NT5DC1: variants seen among roughly 807,000 people sequenced by gnomAD.
NT5DC1 encodes the protein 5'-nucleotidase domain-containing protein 1.
NT5DC1 carries 42 observed loss-of-function variants against 59.4 expected under a neutral mutation model. The observed-to-expected ratio is 0.71, with a 90% CI of 0.55 to 0.92. NT5DC1 has a LOEUF of 0.92. NT5DC1 is among the 40% of genes least tolerant of loss of function. The probability of loss-of-function intolerance (pLI) is 0.00; values close to 1 mark genes in which losing one functional copy is unlikely to be tolerated. For missense variants in NT5DC1, 501 were observed against 537.1 expected, an observed-to-expected ratio of 0.93 and a Z score of 0.66; for synonymous variants, 172 against 188.1, an observed-to-expected ratio of 0.91 and a Z score of 0.70.
intron 6 of NT5DC1, among the ~76,000 whole-genome samples, chr6:116,219,961 CAAAAAAAAAA>C (rs1170500016): frequency 2.8e-4 from 10 of 36,246 alleles, no homozygotes; most frequent in Non-Finnish European, 4.7e-4. Context: ...GACTCTGTCT[CAAAAAAAAAA>C]AAAAAAAAAA....
At chr6:116,122,638 C>G (rs1779165842) in intron 6 of NT5DC1, among the ~76,000 whole-genome samples, 1 of 152,114 alleles carries the variant, frequency 6.6e-6, no homozygotes. Context: ...ACCTGATAAA[C>G]TAAACTTAAA....
chr6:116,160,617 A>T (rs1780304309), intron 6 of NT5DC1, among the ~76,000 whole-genome samples: 1 of 152,076 alleles, frequency 6.6e-6, no homozygotes, highest in Admixed American at 6.5e-5. Context: ...AAAACTCTTT[A>T]GTTTAATTAA....
At chr6:116,198,442 A>G (rs1781280954) in intron 6 of NT5DC1, among the ~76,000 whole-genome samples, 1 of 152,010 alleles carries the variant, frequency 6.6e-6, no homozygotes, top group Admixed American at 6.6e-5. Context: ...CATAAGAACT[A>G]CAGGTGGCTG....
intron 4 of NT5DC1, among the ~76,000 whole-genome samples, chr6:116,114,944 G>A (rs1778937644): frequency 1.3e-5 from 2 of 152,200 alleles, no homozygotes; most frequent in African/African-American, 4.8e-5. Context: ...GCCAAGGTGG[G>A]ATGGTGCTAT....
intron 6 of NT5DC1, among the ~76,000 whole-genome samples, chr6:116,200,323 G>T (rs775230672): frequency 1.6e-4 from 24 of 151,948 alleles, no homozygotes; most frequent in Non-Finnish European, 3.1e-4. Context: ...ACGTAATATG[G>T]TATCCTGGAT....
chr6:116,101,134 C>T, intron 1 of NT5DC1, 111 bp downstream of exon 1: 2 of 721,962 alleles, frequency 2.8e-6, no homozygotes, highest in South Asian at 1.9e-5. Flanking sequence ...CTGCGGCGGC[C>T]GAGTCTTGCC....
chr6:116,193,031 A>C (rs1465767406), intron 6 of NT5DC1, among the ~76,000 whole-genome samples: 3 of 152,026 alleles, frequency 2.0e-5, no homozygotes, highest in Non-Finnish European at 4.4e-5. Context: ...TTTCCTTTTT[A>C]TGTAAATGCA....
At chr6:116,229,162 C>T (rs982950428) in intron 8 of NT5DC1, among the ~76,000 whole-genome samples, 4 of 152,166 alleles carry the variant, frequency 2.6e-5, no homozygotes, top group African/African-American at 9.7e-5. Flanking sequence ...CAGACTTTAA[C>T]CAAGCTAGTA....
intron 8 of NT5DC1, 115 bp downstream of exon 8, chr6:116,223,246 G>C (rs111899842): frequency 6.8e-6 from 4 of 584,884 alleles, no homozygotes; most frequent in African/African-American, 3.9e-5. Context: ...GAAGAAAAAA[G>C]ATAATAAACC....
At chr6:116,128,011 G>A (rs1466426768) in intron 6 of NT5DC1, among the ~76,000 whole-genome samples, 1 of 152,040 alleles carries the variant, frequency 6.6e-6, no homozygotes, top group Non-Finnish European at 1.5e-5. Context: ...GATTATTCCT[G>A]TGCTTGAGGT....
At chr6:116,199,603 G>A (rs1192179850) in intron 6 of NT5DC1, among the ~76,000 whole-genome samples, 1 of 152,066 alleles carries the variant, frequency 6.6e-6, no homozygotes, top group African/African-American at 2.4e-5. Flanking sequence ...TCTGACTTTA[G>A]GCCTGGGGCA....
intron 6 of NT5DC1, among the ~76,000 whole-genome samples, chr6:116,206,033 T>C (rs368426375): frequency 6.6e-6 from 1 of 152,008 alleles, no homozygotes; most frequent in Non-Finnish European, 1.5e-5. Flanking sequence ...CCCAGTGTTT[T>C]TTCCTGGAAG....
At chr6:116,189,433 G>A (rs1186574962) in intron 6 of NT5DC1, among the ~76,000 whole-genome samples, 1 of 151,606 alleles carries the variant, frequency 6.6e-6, no homozygotes, top group Non-Finnish European at 1.5e-5. Context: ...CTTTAGCTTG[G>A]GATACTTATT....
chr6:116,120,854 G>A, intron 6 of NT5DC1: 1 of 1,613,990 alleles, frequency 6.2e-7, no homozygotes, highest in Non-Finnish European at 8.5e-7. Context: ...CACAGGGCCT[G>A]GGAGACCAGG....
chr6:116,106,130 T>C (rs1778762361), intron 1 of NT5DC1, 114 bp from the exon 2 acceptor site: 1 of 720,476 alleles, frequency 1.4e-6, no homozygotes, highest in Non-Finnish European at 2.5e-6. Flanking sequence ...ATTACAGATA[T>C]TTCCTTCCTC....
chr6:116,129,698 T>C (rs572551686), intron 6 of NT5DC1, among the ~76,000 whole-genome samples: 2 of 152,176 alleles, frequency 1.3e-5, no homozygotes, highest in Admixed American at 1.3e-4. Context: ...AATTACCCCG[T>C]CTGTGGCATT....
chr6:116,101,340 A>G (rs1778647699), intron 1 of NT5DC1, among the ~76,000 whole-genome samples: 1 of 152,154 alleles, frequency 6.6e-6, no homozygotes, highest in Non-Finnish European at 1.5e-5. Context: ...GGGCGGGGTC[A>G]GGGGGACTAG....
At chr6:116,113,695 T>C (rs1329922544) in intron 4 of NT5DC1, among the ~76,000 whole-genome samples, 1 of 152,218 alleles carries the variant, frequency 6.6e-6, no homozygotes, top group African/African-American at 2.4e-5. Flanking sequence ...TGAGCTCTTC[T>C]CATTAGGTTC....
At chr6:116,135,866 T>C (rs201428792) in intron 6 of NT5DC1, among the ~76,000 whole-genome samples, 5,818 of 109,340 alleles carry the variant, frequency 0.053, 213 homozygotes, top group South Asian at 0.11. Context: ...TATATATATA[T>C]ATATATACAC....
Sources: gnomAD v4.1 joint callset for allele counts (sites outside exome capture counted in the v4.1 genomes callset) on GRCh38, gnomAD v4.1.1 for gene constraint, MANE v1.5 for transcripts, NCBI Gene and HGNC (gene_info 2026-07-23, HGNC 2026-07-21) for gene names.